The following HERC2 variants were observed in gnomAD, a reference collection of about 807,000 sequenced individuals.
The protein encoded by HERC2 is E3 ubiquitin-protein ligase HERC2.
In HERC2, 102 loss-of-function variants were observed where a neutral mutation model predicts 537.7. The observed-to-expected ratio is 0.19, with a 90% CI of 0.16 to 0.22. The LOEUF is 0.22. HERC2 is among the 10% of genes least tolerant of loss of function. HERC2 has a pLI of 1.00. For missense variants in HERC2, 4,236 were observed against 6,198.2 expected, an observed-to-expected ratio of 0.68 and a Z score of 10.63; for synonymous variants, 2,224 against 2,466.2, an observed-to-expected ratio of 0.90 and a Z score of 2.91.
intron 82 of HERC2, 55 bp downstream of exon 82, chr15:28,130,448 A>T: frequency 1.3e-6 from 2 of 1,579,030 alleles, no homozygotes; most frequent in Non-Finnish European, 1.7e-6. Context: ...GGTGGTGCAC[A>T]TACCCCAATA....
intron 16 of HERC2, among the ~76,000 whole-genome samples, chr15:28,257,674 C>T (rs763459301): frequency 2.8e-4 from 43 of 152,020 alleles, no homozygotes; most frequent in Non-Finnish European, 5.7e-4. Flanking sequence ...TCTAAGAGAA[C>T]GGTGGAACAC....
rs749639589 is a variant in HERC2, at chr15:28,293,073, C to T, written c.188-51G>A. Reference sequence around the variant, plus strand: ...TGTCACCGCTTTTCAGAATGCCATACCATTAGTCTCTGCAAATGTCCCTCC... The same window carrying T: ...TGTCACCGCTTTTCAGAATGCCATATCATTAGTCTCTGCAAATGTCCCTCC... On this transcript the variant is annotated intron_variant, in intron 3 of 92. Coordinates refer to ENST00000261609, the MANE Select transcript of HERC2 (RefSeq NM_004667.6). The T allele has an allele frequency of 1.4e-5, 22 of 1,542,220 alleles. No homozygotes were observed. In the East Asian group the frequency reaches 2.7e-4, roughly 19 times the overall value.
chr15:28,205,134 T>A (rs1898287436), intron 45 of HERC2, among the ~76,000 whole-genome samples: 1 of 151,950 alleles, frequency 6.6e-6, no homozygotes, highest in African/African-American at 2.4e-5. Context: ...AAAAGACATT[T>A]CATGAAAAAG....
chr15:28,195,103 A>G (rs1011053924), intron 52 of HERC2, among the ~76,000 whole-genome samples: 47 of 152,124 alleles, frequency 3.1e-4, no homozygotes, highest in African/African-American at 1.1e-3. Context: ...AATCAGAATG[A>G]AGATAAATGA....
chr15:28,307,276 GCCT>G, intron 2 of HERC2, among the ~76,000 whole-genome samples: 6 of 152,050 alleles, frequency 3.9e-5, no homozygotes, highest in African/African-American at 1.4e-4. Flanking sequence ...TTTTCTCTTA[GCCT>G]GCCTGAAGGC....
At chr15:28,186,520 T>C in intron 56 of HERC2, 57 bp downstream of exon 56, 1 of 1,413,816 alleles carries the variant, frequency 7.1e-7, no homozygotes, top group Admixed American at 1.9e-5. Context: ...CTTTCGAAAG[T>C]GAGGATCCAG....
At chr15:28,190,749 G>A (rs957093005) in intron 55 of HERC2, 4 of 580,554 alleles carry the variant, frequency 6.9e-6, no homozygotes, top group Admixed American at 3.2e-5. Context: ...CAAAGAGAGT[G>A]AGAATGAAAT....
In HERC2 at chr15:28,169,582, G is replaced by A; in HGVS notation, c.10131C>T (p.Arg3377=). 1 of 1,614,068 alleles carries A rather than the reference G, an allele frequency of 6.2e-7. No homozygotes were observed. Among genetic ancestry groups the A allele is most frequent in the Non-Finnish European group, 8.5e-7 (1 of 1,179,962 alleles). ...ISGASNSKPN[R]PSLAKILLSL... ...ACAAGAGAATCTTGGCAAGAGAAGG[G>A]CGATTTGGCTTAGAATTACTTGCAC... is the stretch of plus-strand genomic sequence containing the variant. The change falls in exon 66 of 93, where the codon CGC becomes CGT. Residue 3377 remains arginine, a synonymous_variant. Coordinates refer to ENST00000261609, the MANE Select transcript of HERC2 (RefSeq NM_004667.6).
At chr15:28,201,409 G>T in intron 48 of HERC2, 47 bp downstream of exon 48, 1 of 1,214,584 alleles carries the variant, frequency 8.2e-7, no homozygotes, top group Non-Finnish European at 1.2e-6. Context: ...TCAAATATTT[G>T]CTGAATGAAA....
intron 40 of HERC2, 105 bp from the exon 41 acceptor site, chr15:28,214,377 C>T (rs1899630524): frequency 9.4e-7 from 1 of 1,062,574 alleles, no homozygotes; most frequent in South Asian, 1.3e-5. Flanking sequence ...CCGCTCTTCA[C>T]CAGGGCACAG....
chr15:28,299,325 G>C (rs990806612), intron 3 of HERC2, 77 bp downstream of exon 3: 6 of 593,682 alleles, frequency 1.0e-5, no homozygotes, highest in African/African-American at 7.5e-5. Flanking sequence ...TGTTCCTATA[G>C]CACATTACAA....
chr15:28,274,997 G>C lies in HERC2; in HGVS notation c.551C>G (p.Pro184Arg). Residue 184 changes from proline to arginine, a missense_variant, in exon 6 of 93, where the codon CCT becomes CGT. Pro to Arg is a moderately radical substitution (Grantham distance 103). Coordinates refer to ENST00000261609, the MANE Select transcript of HERC2 (RefSeq NM_004667.6). ...LPPVDKKSSRPAGKGVEGLAR... is the reference protein window; with the variant it reads ...LPPVDKKSSRRAGKGVEGLAR... ...GAGCCCCTCCACACCTTTGCCCGCA[G>C]GCCGGGAACTGCAGACGACACACAC... The C allele has an allele frequency of 1.9e-6, 3 of 1,605,404 alleles. No individual in the cohort carries two copies. Among genetic ancestry groups the C allele is most frequent in the Non-Finnish European group, 2.5e-6 (3 of 1,178,940 alleles).
intron 48 of HERC2, among the ~76,000 whole-genome samples, chr15:28,200,356 C>T (rs1333394633): frequency 6.6e-6 from 1 of 152,052 alleles, no homozygotes; most frequent in Non-Finnish European, 1.5e-5. Flanking sequence ...GATCACGCCA[C>T]TGCACTCCAG....
intron 2 of HERC2, chr15:28,315,518 C>G: frequency 2.5e-6 from 1 of 392,794 alleles, no homozygotes; most frequent in Non-Finnish European, 5.0e-6. Flanking sequence ...CTATTAACAG[C>G]CGGGCACGGT....
In HERC2 at chr15:28,179,023, C is replaced by G. The variant is rs765100082; in HGVS notation, c.9027G>C (p.Val3009=). The change falls in exon 59 of 93, where the codon GTG becomes GTC. Residue 3009 remains valine, a synonymous_variant. Coordinates refer to ENST00000261609, the MANE Select transcript of HERC2 (RefSeq NM_004667.6). ...GGSKSLFAVT[V]EGKVYACGEA... ...CTCCACAGGCATACACCTTCCCTTCCACAGTCACTGCAAGGAACGACAGCC... is the reference window on the plus strand; with the variant it reads ...CTCCACAGGCATACACCTTCCCTTCGACAGTCACTGCAAGGAACGACAGCC... 3.7e-6 allele frequency: 6 copies of G among 1,613,640 alleles called. No homozygotes were observed. The highest frequency in any genetic ancestry group is 5.1e-6 in the Non-Finnish European group (6 of 1,179,742).
At chr15:28,172,816 T>A (rs1254611608) in intron 65 of HERC2, among the ~76,000 whole-genome samples, 2 of 152,154 alleles carry the variant, frequency 1.3e-5, no homozygotes, top group East Asian at 1.9e-4. Context: ...GTGAAGAGAA[T>A]AAAATGACAA....
chr15:28,289,223 A>G (rs953992579), intron 4 of HERC2, among the ~76,000 whole-genome samples: 1 of 152,128 alleles, frequency 6.6e-6, no homozygotes, highest in Non-Finnish European at 1.5e-5. Context: ...TGCACTTTAC[A>G]CATACACAAA....
chr15:28,255,720 T>C (rs1379935582), intron 19 of HERC2, 152 bp downstream of exon 19: 1 of 827,122 alleles, frequency 1.2e-6, no homozygotes, highest in African/African-American at 1.7e-5. Flanking sequence ...AATAATTTTG[T>C]AAATTGGCAC....
At chr15:28,188,557 A>G (rs963273035) in intron 55 of HERC2, among the ~76,000 whole-genome samples, 3 of 151,310 alleles carry the variant, frequency 2.0e-5, no homozygotes, top group Middle Eastern at 3.4e-3. Context: ...AAAAAAAAAA[A>G]AGAGTACTTG....
Sources: gnomAD v4.1 joint callset for allele counts (sites outside exome capture counted in the v4.1 genomes callset) on GRCh38, gnomAD v4.1.1 for gene constraint, MANE v1.5 for transcripts, NCBI Gene and HGNC (gene_info 2026-07-23, HGNC 2026-07-21) for gene names.